Variants in SUN5 observed in about 807,000 individuals in gnomAD.
The protein encoded by SUN5 is SUN domain-containing protein 5.
Under a neutral mutation model 53.7 loss-of-function variants are expected in SUN5, and 44 were observed. That is an observed-to-expected ratio of 0.82 (90% CI 0.64 to 1.05). SUN5 has a LOEUF of 1.05. Ranked by LOEUF, SUN5 falls within the 50% of genes least tolerant of loss-of-function variation. The probability of loss-of-function intolerance (pLI) is 0.00; values close to 1 mark genes in which losing one functional copy is unlikely to be tolerated. For synonymous variants in SUN5, 166 were observed against 179.8 expected, an observed-to-expected ratio of 0.92 and a Z score of 0.62; for missense variants, 433 against 483.8, an observed-to-expected ratio of 0.90 and a Z score of 0.98.
chr20:33,001,307 C>A, intron 3 of SUN5, 29 bp from the exon 4 acceptor site: 1 of 1,560,202 alleles, frequency 6.4e-7, no homozygotes, highest in South Asian at 1.2e-5. Context: ...AGCAGTGACT[C>A]ACTACGCCCT....
intron 12 of SUN5, 82 bp from the exon 13 acceptor site, chr20:32,984,031 T>G: frequency 6.3e-6 from 9 of 1,428,556 alleles, no homozygotes; most frequent in Non-Finnish European, 8.3e-6. Context: ...GAAGGGAAGT[T>G]TCCCATTTCA....
At chr20:33,003,852 C>T (rs1455884973) in intron 1 of SUN5, among the ~76,000 whole-genome samples, 1 of 152,036 alleles carries the variant, frequency 6.6e-6, no homozygotes, top group Admixed American at 6.6e-5. Context: ...ATTTGGGTGC[C>T]CAGAGATAGG....
At chr20:32,999,923 C>G (rs1008032833) in intron 5 of SUN5, 151 bp downstream of exon 5, 48 of 1,549,876 alleles carry the variant, frequency 3.1e-5, no homozygotes, top group Non-Finnish European at 3.8e-5. Context: ...TCATGGTCAT[C>G]ATTTCATTTC....
chr20:32,987,315 T>G (rs1459815132), intron 10 of SUN5, among the ~76,000 whole-genome samples: 1 of 152,066 alleles, frequency 6.6e-6, no homozygotes, highest in Non-Finnish European at 1.5e-5. Context: ...CCCAGTGTAG[T>G]CCTGAGGTTT....
Position 32,997,660 on chromosome 20 carries a change from G to A in SUN5, c.368C>T (p.Pro123Leu). 1 of 1,613,994 alleles carries A rather than the reference G, an allele frequency of 6.2e-7. No homozygotes were observed. The highest frequency in any genetic ancestry group is 8.5e-7 in the Non-Finnish European group (1 of 1,179,970). Residue 123 changes from proline to leucine, a missense_variant, in exon 6 of 13, where the codon CCA becomes CTA. Physicochemically the swap from Pro to Leu is moderately conservative, Grantham distance 98. Coordinates refer to ENST00000356173, the MANE Select transcript of SUN5 (RefSeq NM_080675.4). ...FGFWMFSIHL[P>L]SKMKVWQDDS... ...CACCTGCCAGACTTTCATTTTCGAT[G>A]GTAAGTGAATAGAAAACATCCAGAA...
At chr20:32,989,506 G>C in intron 9 of SUN5, 114 bp downstream of exon 9, 6 of 704,860 alleles carry the variant, frequency 8.5e-6, no homozygotes, top group Non-Finnish European at 1.3e-5. Flanking sequence ...GCTTGGAACA[G>C]AGGATGAACT....
intron 8 of SUN5, among the ~76,000 whole-genome samples, chr20:32,991,312 C>T (rs993269036): frequency 6.6e-6 from 1 of 152,138 alleles, no homozygotes; most frequent in Non-Finnish European, 1.5e-5. Context: ...TGGATTCTGC[C>T]TTTGTTTAAA....
At chr20:32,995,789 G>C (rs1006356478) in intron 7 of SUN5, 62 bp from the exon 8 acceptor site, 1 of 1,492,648 alleles carries the variant, frequency 6.7e-7, no homozygotes, top group Non-Finnish European at 9.3e-7. Context: ...GTTACCCTCA[G>C]ATTTTCCCTT....
chr20:32,985,003 C>T (rs996914648), intron 12 of SUN5, 96 bp downstream of exon 12: 2 of 1,323,650 alleles, frequency 1.5e-6, no homozygotes, highest in Non-Finnish European at 2.1e-6. Flanking sequence ...CTGGGCACCT[C>T]CTGGGGATAC....
At chr20:32,986,826 G>A (rs563777422) in intron 10 of SUN5, among the ~76,000 whole-genome samples, 1 of 152,256 alleles carries the variant, frequency 6.6e-6, no homozygotes, top group South Asian at 2.1e-4. Context: ...CAGCCTGGAT[G>A]TGTGCACCAC....
At position 32,997,993 on chromosome 20, in the gene SUN5, T is replaced by A. The variant is rs554417276; in HGVS notation, c.341-306A>T. ...ATAACTGGCAAAGAGAAGAAGGCGC[T>A]CTGCATTTTATGATCTCCATGCTGG... is the stretch of plus-strand genomic sequence containing the variant. On this transcript the variant is annotated intron_variant, in intron 5 of 12. Transcript: ENST00000356173. Among the ~76,000 whole-genome samples the A allele has an allele frequency of 4.6e-5, 7 of 152,106 alleles. No individual in the cohort carries two copies. The South Asian group carries it at 1.5e-3, about 32-fold the overall frequency.
In SUN5 at chr20:33,000,075, G is replaced by C; in HGVS notation, c.339C>G (p.Phe113Leu). 1 of 1,608,822 alleles carries C rather than the reference G, an allele frequency of 6.2e-7. No homozygotes were observed. ...ACTGGGCAGGGCCCTGGGACACACC[G>C]AAAGCACAGAGGAGCAGAATGCCTG... ...EKTGILLLCA[F>L]GFWMFSIHLP... Residue 113 changes from phenylalanine (F) to leucine (L), a missense_variant and splice_region_variant, in exon 5 of 13, where the codon TTC becomes TTG. Transcript: ENST00000356173.
At chr20:33,000,529 G>T (rs1388809791) in intron 4 of SUN5, among the ~76,000 whole-genome samples, 1 of 152,248 alleles carries the variant, frequency 6.6e-6, no homozygotes, top group Non-Finnish European at 1.5e-5. Context: ...GGGAAGGAAA[G>T]AATGGGGCAG....
At chr20:33,000,473 A>G (rs1379901561) in intron 4 of SUN5, among the ~76,000 whole-genome samples, 2 of 152,222 alleles carry the variant, frequency 1.3e-5, no homozygotes, top group Non-Finnish European at 2.9e-5. Context: ...TGAGGTGGAT[A>G]TATCTGCTGG....
intron 5 of SUN5, among the ~76,000 whole-genome samples, 156 bp from the exon 6 acceptor site, chr20:32,997,843 C>T (rs1989893020): frequency 6.6e-6 from 1 of 152,146 alleles, no homozygotes; most frequent in Non-Finnish European, 1.5e-5. Context: ...CCTCTGTTCC[C>T]TCCTCTGTAA....
chr20:32,985,211 G>C (rs41311306), intron 11 of SUN5, 26 bp from the exon 12 acceptor site: 72,530 of 1,610,446 alleles, frequency 0.045, 1,881 homozygotes, highest in Non-Finnish European at 0.053. Context: ...CAAGGTGAAG[G>C]CGTCAGATAC....
intron 8 of SUN5, among the ~76,000 whole-genome samples, chr20:32,993,234 T>C (rs552065989): frequency 3.3e-5 from 5 of 152,338 alleles, no homozygotes; most frequent in African/African-American, 7.2e-5. Flanking sequence ...AGTTTCCAGA[T>C]TGACGGATTC....
intron 6 of SUN5, among the ~76,000 whole-genome samples, chr20:32,997,378 A>G (rs1165529556): frequency 1.3e-5 from 2 of 152,162 alleles, no homozygotes; most frequent in Non-Finnish European, 2.9e-5. Flanking sequence ...TTGAGAAAGG[A>G]GAGATGGGTC....
At chr20:32,996,741 A>G (rs758191259) in intron 6 of SUN5, among the ~76,000 whole-genome samples, 2 of 151,730 alleles carry the variant, frequency 1.3e-5, no homozygotes, top group African/African-American at 4.8e-5. Flanking sequence ...CATCTATCCC[A>G]TCTGCTCTTG....
Sources: gnomAD v4.1 joint callset for allele counts (sites outside exome capture counted in the v4.1 genomes callset) on GRCh38, gnomAD v4.1.1 for gene constraint, MANE v1.5 for transcripts, NCBI Gene and HGNC (gene_info 2026-07-23, HGNC 2026-07-21) for gene names.